MYO18B: variants seen among roughly 807,000 people sequenced by gnomAD.
MYO18B encodes myosin XVIIIB, also known as unconventional myosin-XVIIIb.
Under a neutral mutation model 273.0 loss-of-function variants are expected in MYO18B, and 204 were observed. The ratio of observed to expected loss-of-function variants is 0.75; its 90% CI spans 0.67 to 0.84. The LOEUF (loss-of-function observed/expected upper bound fraction) is 0.84. Ranked by LOEUF, MYO18B falls within the 40% of genes least tolerant of loss-of-function variation. The probability of loss-of-function intolerance (pLI) is 0.00; values close to 1 mark genes in which losing one functional copy is unlikely to be tolerated. For missense variants in MYO18B, 3,212 were observed against 3,287.6 expected (o/e 0.98, Z 0.56); for synonymous variants, 1,330 against 1,305.7 (o/e 1.02, Z -0.40).
chr22:25,966,182 A>G (rs1388162875), intron 39 of MYO18B, among the ~76,000 whole-genome samples: 1 of 152,184 alleles, frequency 6.6e-6, no homozygotes, highest in East Asian at 1.9e-4. Context: ...GCCTTCTGAG[A>G]ATCTGAACAT....
chr22:25,968,274 C>G (rs1325838028), intron 39 of MYO18B, among the ~76,000 whole-genome samples: 2 of 152,178 alleles, frequency 1.3e-5, no homozygotes, highest in East Asian at 3.9e-4. Context: ...TTCTGGGGTA[C>G]ATGCCCAGCC....
At chr22:25,807,251 G>T (rs759787105) in intron 12 of MYO18B, among the ~76,000 whole-genome samples, 1 of 152,206 alleles carries the variant, frequency 6.6e-6, no homozygotes, top group African/African-American at 2.4e-5. Flanking sequence ...ACACAGCTTA[G>T]CAGAAGGCCC....
intron 3 of MYO18B, among the ~76,000 whole-genome samples, chr22:25,764,482 G>A (rs1436366273): frequency 1.3e-5 from 2 of 152,184 alleles, no homozygotes; most frequent in Admixed American, 1.3e-4. Context: ...CCTGGTGCTG[G>A]CTTGAGCCCA....
intron 1 of MYO18B, among the ~76,000 whole-genome samples, chr22:25,748,632 G>A (rs2085850675): frequency 1.3e-5 from 2 of 152,266 alleles, no homozygotes; most frequent in South Asian, 4.1e-4. Flanking sequence ...CACACCTGCT[G>A]CTCCCTGCCC....
chr22:25,895,924 G>GTT (rs74267232), intron 28 of MYO18B, among the ~76,000 whole-genome samples: 17 of 141,304 alleles, frequency 1.2e-4, no homozygotes, highest in African/African-American at 3.6e-4. Context: ...ATTGTGGAAT[G>GTT]TTTTTTTTTT....
chr22:25,752,817 C>G (rs1474242334), intron 1 of MYO18B, among the ~76,000 whole-genome samples: 2 of 152,198 alleles, frequency 1.3e-5, no homozygotes, highest in Non-Finnish European at 2.9e-5. Flanking sequence ...CTCTGCTTGC[C>G]GGGAGGTGTG....
intron 33 of MYO18B, 121 bp from the exon 34 acceptor site, chr22:25,921,136 C>G (rs1488514619): frequency 9.8e-7 from 1 of 1,024,218 alleles, no homozygotes; most frequent in Non-Finnish European, 1.4e-6. Context: ...ATGGTCTTGT[C>G]CAAGGTCACA....
intron 8 of MYO18B, 119 bp downstream of exon 8, chr22:25,777,900 C>T (rs2145640617): frequency 8.1e-6 from 8 of 986,204 alleles, no homozygotes; most frequent in Middle Eastern, 3.2e-4. Flanking sequence ...CAGATATGTG[C>T]AGACCCCATG....
intron 11 of MYO18B, 105 bp downstream of exon 11, chr22:25,785,596 T>C: frequency 8.1e-7 from 1 of 1,239,630 alleles, no homozygotes; most frequent in South Asian, 1.3e-5. Context: ...CTGGGGTTCA[T>C]AGTTGGCAAG....
intron 39 of MYO18B, among the ~76,000 whole-genome samples, chr22:25,988,588 C>G (rs2093227170): frequency 6.6e-6 from 1 of 152,088 alleles, no homozygotes. Context: ...CATGTCTTTT[C>G]TATGTAGGAT....
intron 31 of MYO18B, among the ~76,000 whole-genome samples, chr22:25,905,664 G>C (rs764319810): frequency 2.0e-5 from 3 of 152,216 alleles, no homozygotes; most frequent in Non-Finnish European, 4.4e-5. Context: ...TCAAGGAGCT[G>C]TAATACGGGG....
chr22:25,944,107 T>G (rs1243703953), intron 34 of MYO18B, among the ~76,000 whole-genome samples: 2 of 152,220 alleles, frequency 1.3e-5, no homozygotes, highest in Non-Finnish European at 2.9e-5. Flanking sequence ...GGTTTTGCCC[T>G]GCCTGCCTTC....
At chr22:25,753,397 G>T (rs1357613961) in intron 1 of MYO18B, among the ~76,000 whole-genome samples, 1 of 152,146 alleles carries the variant, frequency 6.6e-6, no homozygotes, top group Admixed American at 6.6e-5. Flanking sequence ...CTGTAAAACG[G>T]ACCAGTCAGC....
chr22:26,000,357 C>T (rs1326555756), intron 40 of MYO18B, among the ~76,000 whole-genome samples: 7 of 152,282 alleles, frequency 4.6e-5, no homozygotes, highest in Non-Finnish European at 4.4e-5. Flanking sequence ...TGGGCTAAGC[C>T]TTCCTCCTAG....
chr22:25,774,876 C>T (rs1052913213), intron 7 of MYO18B, among the ~76,000 whole-genome samples: 8 of 152,212 alleles, frequency 5.3e-5, no homozygotes, highest in South Asian at 2.1e-4. Flanking sequence ...TGGGTGCGAC[C>T]CCGTGGGTAG....
intron 22 of MYO18B, among the ~76,000 whole-genome samples, chr22:25,873,851 C>T (rs2091115999): frequency 6.6e-6 from 1 of 152,198 alleles, no homozygotes; most frequent in African/African-American, 2.4e-5. Context: ...TTTCCTGGGG[C>T]CTGGGAATCT....
intron 39 of MYO18B, among the ~76,000 whole-genome samples, chr22:25,990,699 AAAAAAAAAAAAAAAAAAAAAAGAAAAAG>A (rs1344181842): frequency 1.2e-5 from 1 of 81,118 alleles, no homozygotes; most frequent in African/African-American, 8.1e-5. Context: ...AAAAAAAAAA[AAAAAAAAAAAAAAAAAAAAAAGAAAAAG>A]AAAAAAAAAA....
At chr22:25,887,052 G>A (rs991220172) in intron 25 of MYO18B, among the ~76,000 whole-genome samples, 2 of 152,232 alleles carry the variant, frequency 1.3e-5, no homozygotes, top group African/African-American at 4.8e-5. Context: ...AAATTGCAAA[G>A]TATGGGAGGA....
chr22:25,838,336 T>C (rs910222167), intron 17 of MYO18B, among the ~76,000 whole-genome samples: 1 of 152,018 alleles, frequency 6.6e-6, no homozygotes, highest in Non-Finnish European at 1.5e-5. Context: ...GTAGCTGGGA[T>C]TACAGGCACC....
Sources: gnomAD v4.1 joint callset for allele counts (sites outside exome capture counted in the v4.1 genomes callset) on GRCh38, gnomAD v4.1.1 for gene constraint, MANE v1.5 for transcripts, NCBI Gene and HGNC (gene_info 2026-07-23, HGNC 2026-07-21) for gene names.